EP300: variants seen among roughly 807,000 people sequenced by gnomAD.
The protein encoded by EP300 is histone acetyltransferase p300.
Under a neutral mutation model 264.0 loss-of-function variants are expected in EP300, and 31 were observed. The ratio of observed to expected loss-of-function variants is 0.12; its 90% CI spans 0.09 to 0.16. EP300 has a LOEUF of 0.16. EP300 is among the 10% of genes least tolerant of loss of function. The pLI is 1.00. For missense variants in EP300, 2,766 were observed against 3,052.9 expected (o/e 0.91, Z 2.21); for synonymous variants, 1,340 against 1,045.4 (o/e 1.28, Z -5.44).
intron 6 of EP300, 151 bp downstream of exon 6, chr22:41,131,784 TCATCTACGA>T (rs1040901562): frequency 1.7e-6 from 2 of 1,146,698 alleles, no homozygotes; most frequent in Admixed American, 4.2e-5. Flanking sequence ...CCCTTACAGT[TCATCTACGA>T]GAGGTAACTG....
At chr22:41,139,754 A>G (rs909800121) in intron 8 of EP300, among the ~76,000 whole-genome samples, 21 of 152,156 alleles carry the variant, frequency 1.4e-4, no homozygotes, top group Admixed American at 4.6e-4. Flanking sequence ...ATGTTTTAAC[A>G]TTTTAGAGTG....
In EP300 at chr22:41,176,733, A is replaced by G. The variant is rs770036395; in HGVS notation, c.5062-40A>G. ...TCTAAAATACTTTTGAATGACTTAA[A>G]TCTTGGAGAGTTTACGTGCACCTCC... is the stretch of plus-strand genomic sequence containing the variant. On this transcript the variant is annotated intron_variant, in intron 30 of 30. Coordinates refer to ENST00000263253, the MANE Select transcript of EP300 (RefSeq NM_001429.4). The G allele has an allele frequency of 2.5e-6, 4 of 1,613,532 alleles. No individual in the cohort carries two copies. In the Admixed American group the frequency reaches 6.7e-5, roughly 27 times the overall value.
Position 41,169,578 on chromosome 22 carries a change from A to T in EP300, c.4248A>T (p.Glu1416Asp). Reference protein sequence around the residue: ...PKCLRTAVYHEILIGYLEYVK... With the variant: ...PKCLRTAVYHDILIGYLEYVK... ...GCTTGAGGACTGCAGTCTATCATGA[A>T]ATCCTAATTGGATATTTAGAATATG... Residue 1416 changes from glutamate (E) to aspartate (D), a missense_variant, in exon 26 of 31, where the codon GAA (glutamate) becomes GAT (aspartate). Transcript: ENST00000263253. 1.2e-6 allele frequency: 2 copies of T among 1,609,272 alleles called. No individual in the cohort carries two copies. Among genetic ancestry groups the T allele is most frequent in the Non-Finnish European group, 1.7e-6 (2 of 1,177,448 alleles).
At chr22:41,104,609 AG>A (rs2058748503) in intron 1 of EP300, among the ~76,000 whole-genome samples, 1 of 151,940 alleles carries the variant, frequency 6.6e-6, no homozygotes, top group Non-Finnish European at 1.5e-5. Context: ...TATTTTCACA[AG>A]AAGTGTCACT....
chr22:41,149,656 CTTTG>C (rs2059031681), intron 13 of EP300, 101 bp from the exon 14 acceptor site: 1 of 1,204,120 alleles, frequency 8.3e-7, no homozygotes, highest in South Asian at 1.3e-5. Flanking sequence ...CATTGCTACT[CTTTG>C]TTTAATCAGT....
Position 41,162,706 on chromosome 22 carries a change from C to T in EP300, c.3672-17C>T, listed in dbSNP as rs2059114409. On this transcript the variant is annotated splice_polypyrimidine_tract_variant and intron_variant, in intron 20 of 30. Transcript: ENST00000263253. Reference sequence around the variant, plus strand: ...TCTCTATCACTTTTTCTCATTGTGTCCCTTTTCTCTCCTTAGTACAATAAA... The same window carrying T: ...TCTCTATCACTTTTTCTCATTGTGTTCCTTTTCTCTCCTTAGTACAATAAA... The T allele has an allele frequency of 2.5e-6, 4 of 1,599,990 alleles. No homozygotes were observed. Among genetic ancestry groups the T allele is most frequent in the Non-Finnish European group, 3.4e-6 (4 of 1,167,366 alleles).
chr22:41,096,260 T>C (rs1457333614), intron 1 of EP300, among the ~76,000 whole-genome samples: 2 of 152,214 alleles, frequency 1.3e-5, no homozygotes, highest in African/African-American at 2.4e-5. Flanking sequence ...GAAATATCTT[T>C]TGGAGCTGTT....
chr22:41,166,722 G>T, intron 23 of EP300, 56 bp downstream of exon 23: 1 of 1,218,038 alleles, frequency 8.2e-7, no homozygotes, highest in East Asian at 2.4e-5. Context: ...GCCTAGATAA[G>T]AAACCATCCA....
At position 41,178,391 on chromosome 22, in the gene EP300, T is replaced by C. The variant is rs374135370; in HGVS notation, c.6680T>C (p.Met2227Thr). 6.8e-6 allele frequency: 11 copies of C among 1,614,006 alleles called. No individual in the cohort carries two copies. Among genetic ancestry groups the C allele is most frequent in the African/African-American group, 1.3e-5 (1 of 74,892 alleles). Residue 2227 changes from methionine (M) to threonine (T), a missense_variant, in exon 31 of 31, where the codon ATG becomes ACG. Met to Thr is a moderately conservative substitution (Grantham distance 81). Coordinates refer to ENST00000263253, the MANE Select transcript of EP300 (RefSeq NM_001429.4). The stretch of plus-strand genomic sequence containing the variant: ...TACCCACCACAGCAGCAGCAGCGGA[T>C]GCAGCATCACATGCAACAGATGCAA... ...VGYPPQQQQR[M>T]QHHMQQMQQG...
chr22:41,152,280 AGAG>A lies in EP300; in HGVS notation c.3078_3080del (p.Glu1027del). 6.2e-7 allele frequency: 1 copy of A among 1,614,204 alleles called. No individual in the cohort carries two copies. The highest frequency in any genetic ancestry group is 1.7e-5 in the Admixed American group (1 of 60,024). On this transcript the variant is annotated inframe_deletion, in exon 16 of 31. Transcript: ENST00000263253. ...GCACTGAGTTAAAAACTGAAATAAA[AGAG>A]GAGGAAGACCAGCCAAGTACTTCAG...
intron 13 of EP300, 77 bp downstream of exon 13, chr22:41,149,252 G>C (rs2145736450): frequency 6.4e-7 from 1 of 1,559,720 alleles, no homozygotes; most frequent in South Asian, 1.1e-5. Context: ...ATAGGAGAGA[G>C]TGGCAGCAAA....
At chr22:41,151,620 A>G (rs527804330) in intron 14 of EP300, among the ~76,000 whole-genome samples, 59 of 152,344 alleles carry the variant, frequency 3.9e-4, no homozygotes, top group African/African-American at 1.3e-3. Context: ...TTGATGTACA[A>G]TCAGCCAACC....
chr22:41,175,754 A>G (rs1239927547), intron 29 of EP300, among the ~76,000 whole-genome samples: 3 of 152,248 alleles, frequency 2.0e-5, no homozygotes, highest in African/African-American at 7.2e-5. Context: ...GCATGGTGCT[A>G]TACCTCACCC....
At chr22:41,135,222 G>A (rs1183594357) in intron 6 of EP300, among the ~76,000 whole-genome samples, 4 of 152,116 alleles carry the variant, frequency 2.6e-5, no homozygotes, top group African/African-American at 4.8e-5. Context: ...TCCATGTTAC[G>A]CAGAATGCAC....
chr22:41,157,663 G>A (rs1323278260), intron 18 of EP300, among the ~76,000 whole-genome samples: 8 of 151,588 alleles, frequency 5.3e-5, no homozygotes, highest in East Asian at 1.9e-4. Flanking sequence ...GACTACAGCC[G>A]TACGCCACCA....
chr22:41,113,374 A>G (rs1216602360), intron 1 of EP300, among the ~76,000 whole-genome samples: 1 of 152,020 alleles, frequency 6.6e-6, no homozygotes, highest in East Asian at 1.9e-4. Context: ...CCAAAAAACT[A>G]ACTTCTAGTT....
At chr22:41,124,870 C>G (rs1202145143) in intron 2 of EP300, among the ~76,000 whole-genome samples, 1 of 152,102 alleles carries the variant, frequency 6.6e-6, no homozygotes, top group Non-Finnish European at 1.5e-5. Context: ...CCCAAGGCCC[C>G]TAAATCTTAA....
intron 1 of EP300, among the ~76,000 whole-genome samples, chr22:41,105,300 G>A (rs1023300746): frequency 2.1e-4 from 32 of 151,484 alleles, no homozygotes; most frequent in Admixed American, 1.4e-3. Flanking sequence ...CCCGGGAGGC[G>A]GAGGTTGCCA....
chr22:41,108,929 G>C (rs2058773175), intron 1 of EP300, among the ~76,000 whole-genome samples: 1 of 152,104 alleles, frequency 6.6e-6, no homozygotes, highest in Admixed American at 6.5e-5. Flanking sequence ...AAATATAAAG[G>C]GGGCAAAAGT....
Sources: allele counts gnomAD v4.1 joint callset (sites outside exome capture counted in the v4.1 genomes callset), GRCh38; gene constraint gnomAD v4.1.1; transcripts MANE v1.5; gene names NCBI Gene and HGNC (gene_info 2026-07-23, HGNC 2026-07-21).